PTPRD: variants seen among roughly 807,000 people sequenced by gnomAD.
PTPRD encodes receptor-type tyrosine-protein phosphatase delta.
Under a neutral mutation model 214.5 loss-of-function variants are expected in PTPRD, and 34 were observed. That is an observed-to-expected ratio of 0.16 (90% confidence interval 0.12 to 0.21). PTPRD has a LOEUF of 0.21. PTPRD is among the 10% of genes least tolerant of loss of function. The probability of loss-of-function intolerance (pLI) is 1.00; values close to 1 mark genes in which losing one functional copy is unlikely to be tolerated. For missense variants in PTPRD, 2,545 were observed against 2,398.7 expected, an observed-to-expected ratio of 1.06 and a Z score of -1.27; for synonymous variants, 1,128 against 845.7, an observed-to-expected ratio of 1.33 and a Z score of -5.79.
intron 11 of PTPRD, among the ~76,000 whole-genome samples, chr9:9,008,205 T>TTTTATTTATTTA (rs71317392): frequency 0.61 from 73,485 of 120,720 alleles, 23,488 homozygotes; most frequent in East Asian, 0.75. Context: ...CTCCCCTTCA[T>TTTTATTTATTTA]TTTATTTATT....
chr9:10,402,612 G>T (rs1448195711), intron 2 of PTPRD, among the ~76,000 whole-genome samples: 2 of 151,626 alleles, frequency 1.3e-5, no homozygotes, highest in African/African-American at 4.8e-5. Flanking sequence ...TCCCTGACAA[G>T]AATATCATTA....
chr9:10,218,292 C>T (rs1437694735), intron 3 of PTPRD, among the ~76,000 whole-genome samples: 1 of 151,870 alleles, frequency 6.6e-6, no homozygotes, highest in African/African-American at 2.4e-5. Flanking sequence ...ACTAAGTTTT[C>T]TCTGTATCTA....
chr9:9,512,518 T>A (rs990470640), intron 8 of PTPRD, among the ~76,000 whole-genome samples: 1 of 151,890 alleles, frequency 6.6e-6, no homozygotes, highest in East Asian at 1.9e-4. Context: ...TGTAAGGCAT[T>A]TCAGTGATAA....
At chr9:9,931,393 G>A (rs1030635066) in intron 5 of PTPRD, among the ~76,000 whole-genome samples, 1 of 152,196 alleles carries the variant, frequency 6.6e-6, no homozygotes, top group African/African-American at 2.4e-5. Flanking sequence ...CCGAAGCAGG[G>A]CGAGGCATTG....
At chr9:8,690,128 A>C (rs1318193051) in intron 12 of PTPRD, among the ~76,000 whole-genome samples, 1 of 151,836 alleles carries the variant, frequency 6.6e-6, no homozygotes, top group African/African-American at 2.4e-5. Flanking sequence ...AAAAAAGAAA[A>C]ATTAAAAAAA....
At chr9:10,186,540 C>T (rs554821780) in intron 3 of PTPRD, among the ~76,000 whole-genome samples, 1 of 152,176 alleles carries the variant, frequency 6.6e-6, no homozygotes, top group African/African-American at 2.4e-5. Flanking sequence ...CTCCCCTAAA[C>T]AGAATTAACA....
intron 11 of PTPRD, among the ~76,000 whole-genome samples, chr9:8,829,906 A>G (rs2097254476): frequency 6.6e-6 from 1 of 152,218 alleles, no homozygotes; most frequent in Non-Finnish European, 1.5e-5. Flanking sequence ...TATTACTTGT[A>G]TGAAACCTCT....
chr9:9,125,299 A>G (rs898437752), intron 10 of PTPRD, among the ~76,000 whole-genome samples: 1 of 152,172 alleles, frequency 6.6e-6, no homozygotes, highest in Non-Finnish European at 1.5e-5. Context: ...CCTCGCTGCC[A>G]GAGAAGGGCT....
intron 12 of PTPRD, among the ~76,000 whole-genome samples, chr9:8,643,166 G>C (rs1214341861): frequency 6.6e-6 from 1 of 152,060 alleles, no homozygotes; most frequent in Non-Finnish European, 1.5e-5. Flanking sequence ...TTTAAAATTT[G>C]ATTTAAGAAG....
chr9:9,827,186 C>G (rs2053193917), intron 5 of PTPRD, among the ~76,000 whole-genome samples: 1 of 152,016 alleles, frequency 6.6e-6, no homozygotes, highest in Non-Finnish European at 1.5e-5. Flanking sequence ...CAAAAAAGAG[C>G]CCACATTGCC....
intron 12 of PTPRD, among the ~76,000 whole-genome samples, chr9:8,645,033 GA>G (rs2096657533): frequency 6.6e-6 from 1 of 152,200 alleles, no homozygotes; most frequent in African/African-American, 2.4e-5. Context: ...TTACAAGCTA[GA>G]AAATTATAAA....
At chr9:10,397,624 G>A (rs1565779872) in intron 2 of PTPRD, among the ~76,000 whole-genome samples, 1 of 151,876 alleles carries the variant, frequency 6.6e-6, no homozygotes, top group Non-Finnish European at 1.5e-5. Flanking sequence ...TATTTTTACT[G>A]TATCTTTTAT....
Position 8,922,397 on chromosome 9 carries a change from T to C in PTPRD, c.-104+96300A>G, listed in dbSNP as rs182148415. ...TACACATGCACATATACACACATCA[T>C]GCTAAATGAACCATTACTCCATGGT... On this transcript the variant is annotated intron_variant, in intron 11 of 45. Transcript: ENST00000381196. Among the ~76,000 whole-genome samples the C allele has an allele frequency of 6.4e-4, 98 of 152,324 alleles. 1 individual carries two copies. Among genetic ancestry groups the C allele is most frequent in the Admixed American group, 3.5e-3 (54 of 15,302 alleles).
chr9:10,334,602 A>G (rs1165141725), intron 3 of PTPRD, among the ~76,000 whole-genome samples: 2 of 151,700 alleles, frequency 1.3e-5, no homozygotes, highest in Non-Finnish European at 3.0e-5. Context: ...ACTTTGTTTG[A>G]GAAGGAAGAA....
intron 12 of PTPRD, among the ~76,000 whole-genome samples, chr9:8,702,044 T>C (rs78884738): frequency 6.6e-6 from 1 of 151,976 alleles, no homozygotes; most frequent in Non-Finnish European, 1.5e-5. Flanking sequence ...GACCACTTTA[T>C]TTTTTTTAAC....
chr9:8,340,523 A>C, intron 41 of PTPRD, 54 bp from the exon 42 acceptor site: 1 of 1,467,446 alleles, frequency 6.8e-7, no homozygotes, highest in Non-Finnish European at 9.2e-7. Context: ...AACATGCAAA[A>C]GCTCACACTG....
chr9:8,874,886 A>T (rs927052627), intron 11 of PTPRD, among the ~76,000 whole-genome samples: 3 of 152,202 alleles, frequency 2.0e-5, no homozygotes, highest in Non-Finnish European at 4.4e-5. Flanking sequence ...TTCTGACCTA[A>T]GTTGGTGGTT....
intron 35 of PTPRD, among the ~76,000 whole-genome samples, chr9:8,407,317 A>G (rs989200538): frequency 2.0e-5 from 3 of 152,070 alleles, no homozygotes; most frequent in African/African-American, 7.2e-5. Context: ...GTTTTTTTCC[A>G]TTTGGCAGGT....
intron 43 of PTPRD, among the ~76,000 whole-genome samples, chr9:8,333,177 T>C (rs1843176207): frequency 6.6e-6 from 1 of 152,158 alleles, no homozygotes; most frequent in Admixed American, 6.6e-5. Flanking sequence ...ATAAGTACTT[T>C]ATGGATGGTT....
Sources: allele counts gnomAD v4.1 joint callset (sites outside exome capture counted in the v4.1 genomes callset), GRCh38; gene constraint gnomAD v4.1.1; transcripts MANE v1.5; gene names NCBI Gene and HGNC (gene_info 2026-07-23, HGNC 2026-07-21).